The following YBX1 variants were observed in gnomAD, a reference collection of about 807,000 sequenced individuals.
YBX1 encodes the protein Y-box binding protein 1.
YBX1 carries 3 observed loss-of-function variants against 41.4 expected under a neutral mutation model. The observed-to-expected ratio is 0.07, with a 90% CI of 0.03 to 0.19. The LOEUF is 0.19. YBX1 is among the 10% of genes least tolerant of loss of function. The probability of loss-of-function intolerance (pLI) is 1.00; values close to 1 mark genes in which losing one functional copy is unlikely to be tolerated. For synonymous variants in YBX1, 133 were observed against 165.8 expected, an observed-to-expected ratio of 0.80 and a Z score of 1.52; for missense variants, 274 against 462.8, an observed-to-expected ratio of 0.59 and a Z score of 3.74.
intron 2 of YBX1, among the ~76,000 whole-genome samples, chr1:42,684,755 G>T (rs1438309048): frequency 1.3e-5 from 2 of 152,216 alleles, no homozygotes; most frequent in Non-Finnish European, 2.9e-5. Context: ...TAGCAAGAAG[G>T]AAGGGAATGC....
rs534740469 is a variant in YBX1 at position 42,699,484 on chromosome 1, GTTTATCCAGATCTGGTTTGA to G, written c.741-1278_741-1259del. On this transcript the variant is annotated intron_variant, in intron 6 of 7. Coordinates refer to ENST00000321358, the MANE Select transcript of YBX1 (RefSeq NM_004559.5). ...AGAGAGTTGGATTTATCCAGATTTG[GTTTATCCAGATCTGGTTTGA>G]TTTATCCAGATCTGGTTTATCCAGA... 2.3e-3 allele frequency among the ~76,000 whole-genome samples: 355 copies of G among 152,238 alleles called. 1 individual carries two copies. The highest frequency in any genetic ancestry group is 4.8e-3 in the Admixed American group (73 of 15,286).
chr1:42,683,165 G>T (rs532905682), intron 1 of YBX1: 1 of 655,750 alleles, frequency 1.5e-6, no homozygotes, highest in Admixed American at 2.2e-5. Context: ...CGCGGCCTGC[G>T]CACACACCCA....
chr1:42,697,915 T>C (rs1650500842), intron 6 of YBX1, among the ~76,000 whole-genome samples: 1 of 152,144 alleles, frequency 6.6e-6, no homozygotes, highest in Non-Finnish European at 1.5e-5. Context: ...CCCACGGTGG[T>C]AGGATAGGAT....
At position 42,696,739 on chromosome 1, in the gene YBX1, G is replaced by A. The variant is rs1187869714; in HGVS notation, c.452G>A (p.Arg151His). 30 of 1,613,828 alleles carry A rather than the reference G, an allele frequency of 1.9e-5. 1 individual carries two copies. In the South Asian group the frequency reaches 1.9e-4, roughly 10 times the overall value. ...AACCATTATAGACGCTATCCACGTC[G>A]TAGGGGTCCTCCACGCAATTACCAG... ...DRNHYRRYPR[R>H]RGPPRNYQQN... Residue 151 changes from arginine (R) to histidine (H), a missense_variant, in exon 5 of 8, where the codon CGT becomes CAT. Physicochemically the swap from Arg to His is conservative, Grantham distance 29. Coordinates refer to ENST00000321358, the MANE Select transcript of YBX1 (RefSeq NM_004559.5). The surrounding 1 kb of genome is among the most constrained non-coding windows in gnomAD (Gnocchi z 5.7).
chr1:42,701,579 T>A (rs1043838880), intron 7 of YBX1, among the ~76,000 whole-genome samples: 2 of 152,062 alleles, frequency 1.3e-5, no homozygotes, highest in African/African-American at 4.8e-5. Context: ...CGAGAGTGTT[T>A]CGTGTCTAAA....
chr1:42,697,305 C>T (rs1411285886), intron 6 of YBX1, 43 bp downstream of exon 6: 1 of 1,596,790 alleles, frequency 6.3e-7, no homozygotes, highest in East Asian at 2.2e-5. Context: ...TTTCCTCAAA[C>T]CCGTGTTAGG....
In YBX1 at chr1:42,696,081, T is replaced by C. The variant is rs1042174818; in HGVS notation, c.265-118T>C. 21 of 868,380 alleles carry C rather than the reference T, an allele frequency of 2.4e-5. No homozygotes were observed. The highest frequency in any genetic ancestry group is 3.3e-4 in the Middle Eastern group (1 of 3,040). 53.8% of individuals were successfully genotyped at this position (868,380 alleles called of 1,614,324 possible). A position where few individuals can be genotyped will look rare whatever the true frequency, so the allele number is the denominator to read the frequency against. On this transcript the variant is annotated intron_variant, in intron 3 of 7. Transcript: ENST00000321358. This position sits in a 1 kb window ranked among gnomAD's most constrained non-coding sequence, Gnocchi z 5.7. ...TAAATTTATTGATGGTTTGGTCTTA[T>C]TTAAAGCAAATCTTAAGTGTATATC...
At chr1:42,688,178 T>C (rs1043210762) in intron 2 of YBX1, among the ~76,000 whole-genome samples, 3 of 152,182 alleles carry the variant, frequency 2.0e-5, no homozygotes, top group Admixed American at 6.5e-5. Context: ...AGAACTAGTA[T>C]CCAGTTTGAC....
intron 1 of YBX1, 192 bp downstream of exon 1, chr1:42,682,923 C>T (rs1205294718): frequency 5.9e-6 from 1 of 168,394 alleles, no homozygotes; most frequent in East Asian, 1.7e-4. Context: ...CGCACTGCCT[C>T]CCGCGCCCCC....
At chr1:42,695,590 A>T (rs778032900) in intron 3 of YBX1, among the ~76,000 whole-genome samples, 1 of 152,244 alleles carries the variant, frequency 6.6e-6, no homozygotes, top group Non-Finnish European at 1.5e-5. Flanking sequence ...CAAGTCTCTA[A>T]TACAAGATTT....
chr1:42,690,974 A>G (rs1553135175), intron 2 of YBX1, among the ~76,000 whole-genome samples: 1 of 152,234 alleles, frequency 6.6e-6, no homozygotes, highest in African/African-American at 2.4e-5. Flanking sequence ...ACAGAAAAGA[A>G]TAGTGATGGC....
intron 3 of YBX1, among the ~76,000 whole-genome samples, chr1:42,694,045 T>A (rs531908079): frequency 1.3e-5 from 2 of 151,974 alleles, no homozygotes; most frequent in South Asian, 2.1e-4. Context: ...TTTTTTTTTT[T>A]AAACCTTTGG....
chr1:42,693,566 G>T lies in YBX1; in HGVS notation c.264+43G>T, dbSNP rs372069403. On this transcript the variant is annotated intron_variant, in intron 3 of 7. Transcript: ENST00000321358. ...TATTTGCACTTCTGATTCAAGGATT[G>T]TAAGAAGAAAAGGTTAGATATGTTC... 2.5e-6 allele frequency: 4 copies of T among 1,605,172 alleles called. No individual in the cohort carries two copies. In the African/African-American group the frequency reaches 5.4e-5, roughly 21 times the overall value.
In YBX1 at chr1:42,696,620, C is replaced by T. The variant is rs745325482; in HGVS notation, c.355-22C>T. The T allele has an allele frequency of 7.0e-6, 10 of 1,438,506 alleles. No individual in the cohort carries two copies. The highest frequency in any genetic ancestry group is 3.8e-4 in the Middle Eastern group (2 of 5,236). The allele number at this position is 1,438,506 out of a possible 1,614,324, so 89.1% of individuals were successfully genotyped here. A position where few individuals can be genotyped will look rare whatever the true frequency, so the allele number is the denominator to read the frequency against. ...GTGTTCTGATTTCCTTTGTCACTAT[C>T]AATATGTAATGGCTTTTGTAGGGTG... is the stretch of plus-strand genomic sequence containing the variant. On this transcript the variant is annotated intron_variant, in intron 4 of 7. Transcript: ENST00000321358. This position sits in a 1 kb window ranked among gnomAD's most constrained non-coding sequence, Gnocchi z 5.7.
chr1:42,693,352 T>C (rs1650386526), intron 2 of YBX1, 138 bp from the exon 3 acceptor site: 2 of 836,664 alleles, frequency 2.4e-6, no homozygotes, highest in East Asian at 2.7e-5. Context: ...GCAGAGAGCA[T>C]GGTGGCTTGT....
chr1:42,688,510 A>G (rs890515207), intron 2 of YBX1, among the ~76,000 whole-genome samples: 1 of 152,228 alleles, frequency 6.6e-6, no homozygotes, highest in South Asian at 2.1e-4. Context: ...ATATTGTACT[A>G]TTATAATATG....
chr1:42,694,204 G>A (rs1178499786), intron 3 of YBX1, among the ~76,000 whole-genome samples: 1 of 152,106 alleles, frequency 6.6e-6, no homozygotes, highest in South Asian at 2.1e-4. Flanking sequence ...CATAGGATGA[G>A]TACTGATGAG....
intron 1 of YBX1, chr1:42,683,093 G>T: frequency 1.8e-6 from 1 of 546,266 alleles, no homozygotes; most frequent in Admixed American, 2.4e-5. Context: ...TGTGCTCGGA[G>T]GGCGCGGCGC....
At chr1:42,686,711 C>A (rs1360548451) in intron 2 of YBX1, among the ~76,000 whole-genome samples, 1 of 152,170 alleles carries the variant, frequency 6.6e-6, no homozygotes, top group Non-Finnish European at 1.5e-5. Context: ...AAAATAGATA[C>A]AGCTAACAAG....
Sources: gnomAD v4.1 joint callset for allele counts (sites outside exome capture counted in the v4.1 genomes callset) on GRCh38, gnomAD v4.1.1 for gene constraint, Gnocchi (gnomAD v3.1) non-coding constraint, MANE v1.5 for transcripts, NCBI Gene and HGNC (gene_info 2026-07-23, HGNC 2026-07-21) for gene names.